SAMSN1: variants seen among roughly 807,000 people sequenced by gnomAD.
The protein encoded by SAMSN1 is SAM domain, SH3 domain and nuclear localization signals 1, also known as SAM domain-containing protein SAMSN-1.
SAMSN1 carries 31 observed loss-of-function variants against 42.0 expected under a neutral mutation model. That is an observed-to-expected ratio of 0.74 (90% CI 0.55 to 1.00). The LOEUF (loss-of-function observed/expected upper bound fraction) is 1.00, where lower values mean the gene tolerates loss of function less well. Among genes scored for constraint, SAMSN1 ranks in the 50% least tolerant of loss-of-function variants. The probability of loss-of-function intolerance (pLI) is 0.00; values close to 1 mark genes in which losing one functional copy is unlikely to be tolerated. For missense variants in SAMSN1, 464 were observed against 439.4 expected (o/e 1.06, Z -0.50); for synonymous variants, 178 against 151.9 (o/e 1.17, Z -1.26).
In SAMSN1 at chr21:14,546,291, A is replaced by T; in HGVS notation, c.-30T>A. The T allele has an allele frequency of 6.2e-7, 1 of 1,612,042 alleles. No individual in the cohort carries two copies. Among genetic ancestry groups the T allele is most frequent in the Non-Finnish European group, 8.5e-7 (1 of 1,179,042 alleles). ...AATTCTGACTACTCCTAGTGAGTGC[A>T]CTTTCTGCTGTTACAGAAACAACTG... On this transcript the variant is annotated 5_prime_UTR_variant, in exon 1 of 8. Transcript: ENST00000400566.
intron 7 of SAMSN1, among the ~76,000 whole-genome samples, chr21:14,494,317 C>T (rs1018573943): frequency 2.0e-5 from 3 of 152,130 alleles, no homozygotes; most frequent in African/African-American, 7.2e-5. Context: ...ACCCTAATGC[C>T]CATCAATGAC....
At chr21:14,600,739 CCTGGCCAGCAGACAATGCTT>C in intron 6 of SAMSN1, among the ~76,000 whole-genome samples, 1 of 152,256 alleles carries the variant, frequency 6.6e-6, no homozygotes, top group East Asian at 1.9e-4. Context: ...TTATTTTTCT[CCTGGCCAGCAGACAATGCTT>C]CACTTAGATA....
Position 14,498,224 on chromosome 21 carries a change from C to T in SAMSN1, c.919+218G>A, listed in dbSNP as rs576993750. Among the ~76,000 whole-genome samples the T allele has an allele frequency of 2.6e-5, 4 of 152,356 alleles. No individual in the cohort carries two copies. The East Asian group carries it at 7.7e-4, about 29-fold the overall frequency. The stretch of plus-strand genomic sequence containing the variant: ...GTGGAAATGAGGTACCCAGAAAAGT[C>T]CTTTCATTTCCTGAGTCCAATAAGG... On this transcript the variant is annotated intron_variant, in intron 7 of 7. Transcript: ENST00000400566.
chr21:14,623,387 C>T (rs1045586243), intron 2 of SAMSN1, among the ~76,000 whole-genome samples: 6 of 152,188 alleles, frequency 3.9e-5, no homozygotes, highest in East Asian at 1.9e-4. Context: ...ACCCATCTCA[C>T]GTGCAGAGAC....
At chr21:14,578,900 C>A (rs2123237237) in intron 2 of SAMSN1, among the ~76,000 whole-genome samples, 1 of 152,102 alleles carries the variant, frequency 6.6e-6, no homozygotes, top group East Asian at 1.9e-4. Flanking sequence ...CCTCTGACTA[C>A]CTGCCATTAA....
At chr21:14,589,652 A>G (rs546866091) in intron 7 of SAMSN1, among the ~76,000 whole-genome samples, 1 of 152,258 alleles carries the variant, frequency 6.6e-6, no homozygotes, top group South Asian at 2.1e-4. Context: ...TAAAGAAGGA[A>G]AATTTAGGCT....
chr21:14,520,191 G>A (rs1009689063), intron 2 of SAMSN1, among the ~76,000 whole-genome samples: 3 of 152,100 alleles, frequency 2.0e-5, no homozygotes, highest in Non-Finnish European at 4.4e-5. Flanking sequence ...TTAAGCTACG[G>A]TTAAAATGTT....
At chr21:14,586,042 A>T (rs1374307514), upstream of SAMSN1, among the ~76,000 whole-genome samples, 1 of 152,052 alleles carries the variant, frequency 6.6e-6, no homozygotes, top group Admixed American at 6.6e-5. Context: ...AGGTGGGCGG[A>T]TCATGAGGTC....
At chr21:14,626,078 G>A (rs1983161446) in intron 2 of SAMSN1, among the ~76,000 whole-genome samples, 2 of 152,178 alleles carry the variant, frequency 1.3e-5, no homozygotes, top group Non-Finnish European at 2.9e-5. Flanking sequence ...CTAGTCATAT[G>A]TAGAAAGTTG....
intron 2 of SAMSN1, among the ~76,000 whole-genome samples, chr21:14,634,296 A>G (rs1013449050): frequency 6.6e-6 from 1 of 152,158 alleles, no homozygotes; most frequent in African/African-American, 2.4e-5. Context: ...AATTGCAACA[A>G]AAGCTAAAAT....
chr21:14,559,119 A>G (rs1212856991), intron 2 of SAMSN1, among the ~76,000 whole-genome samples: 3 of 152,226 alleles, frequency 2.0e-5, no homozygotes, highest in African/African-American at 7.2e-5. Context: ...TTGTGCAGAT[A>G]GTGTGTTAGA....
At chr21:14,609,402 G>A (rs1982646794) in intron 5 of SAMSN1, 2 of 706,090 alleles carry the variant, frequency 2.8e-6, no homozygotes, top group African/African-American at 3.5e-5. Flanking sequence ...TTTCATGGTG[G>A]AAGATGTGAA....
intron 2 of SAMSN1, among the ~76,000 whole-genome samples, chr21:14,622,962 T>C (rs1027095289): frequency 6.6e-6 from 1 of 152,206 alleles, no homozygotes; most frequent in Non-Finnish European, 1.5e-5. Flanking sequence ...TGGGGGCCAA[T>C]ATTCAACATT....
chr21:14,582,268 A>T, exon 2 of SAMSN1: 1 of 1,550,834 alleles, frequency 6.4e-7, no homozygotes, highest in Non-Finnish European at 8.7e-7. Context: ...GGTTTTCAGG[A>T]AAAGGCTTCC....
At chr21:14,643,049 T>C (rs922854537) in exon 2 of SAMSN1, 3 of 717,236 alleles carry the variant, frequency 4.2e-6, no homozygotes, top group Non-Finnish European at 7.8e-6. Context: ...AAGGGTGGGA[T>C]AGGAGAATCA....
intron 1 of SAMSN1, among the ~76,000 whole-genome samples, chr21:14,538,529 G>A (rs1423879003): frequency 6.6e-6 from 1 of 152,152 alleles, no homozygotes; most frequent in African/African-American, 2.4e-5. Flanking sequence ...CTGGCCTCAA[G>A]TAAGCACCAG....
At chr21:14,585,727 A>G (rs1981895826), upstream of SAMSN1, among the ~76,000 whole-genome samples, 1 of 152,282 alleles carries the variant, frequency 6.6e-6, no homozygotes, top group Admixed American at 6.5e-5. Flanking sequence ...AGGATTGTAC[A>G]TGGCTTAATA....
intron 6 of SAMSN1, among the ~76,000 whole-genome samples, chr21:14,598,999 C>A (rs1007153994): frequency 6.6e-6 from 1 of 152,060 alleles, no homozygotes; most frequent in East Asian, 1.9e-4. Context: ...TTCACTTTTT[C>A]CATGAGGCTG....
chr21:14,591,575 G>A (rs1195248215), intron 7 of SAMSN1: 1 of 152,034 alleles, frequency 6.6e-6, no homozygotes, highest in Non-Finnish European at 1.5e-5. Context: ...TACATCTGGA[G>A]GAAAAAGTAG....
Sources: gnomAD v4.1 joint callset for allele counts (sites outside exome capture counted in the v4.1 genomes callset) on GRCh38, gnomAD v4.1.1 for gene constraint, MANE v1.5 for transcripts, NCBI Gene and HGNC (gene_info 2026-07-23, HGNC 2026-07-21) for gene names.